The following STAT4 variants were observed in gnomAD, a reference collection of about 807,000 sequenced individuals.
The protein encoded by STAT4 is signal transducer and activator of transcription 4.
STAT4 carries 42 observed loss-of-function variants against 110.5 expected under a neutral mutation model. That is an observed-to-expected ratio of 0.38 (90% confidence interval 0.30 to 0.49). STAT4 has a LOEUF of 0.49. STAT4 is among the 20% of genes least tolerant of loss of function. The pLI is 0.95. For synonymous variants in STAT4, 284 were observed against 302.2 expected (o/e 0.94, Z 0.63); for missense variants, 632 against 887.9 (o/e 0.71, Z 3.66).
At position 191,075,837 on chromosome 2, in the gene STAT4, C is replaced by CTTT. The variant is rs71407854; in HGVS notation, c.372+387_372+389dup. On this transcript the variant is annotated intron_variant, in intron 4 of 23. Coordinates refer to ENST00000392320, the MANE Select transcript of STAT4 (RefSeq NM_003151.4). ...TTAAAAATGTCTCCTTTCTTTCTTTCTTTTTTTTTTTTTTTTTTTGTTTTG... is the reference window on the plus strand; with the variant it reads ...TTAAAAATGTCTCCTTTCTTTCTTTCTTTTTTTTTTTTTTTTTTTTTTGTTTTG... 9.7e-3 allele frequency among the ~76,000 whole-genome samples: 1,183 copies of CTTT among 121,424 alleles called. 25 individuals carry two copies. Among genetic ancestry groups the CTTT allele is most frequent in the African/African-American group, 0.036 (1,078 of 30,280 alleles). 79.7% of individuals were successfully genotyped at this position (121,424 alleles called of 152,430 possible). A position where few individuals can be genotyped will look rare whatever the true frequency, so the allele number is the denominator to read the frequency against.
rs1699168856 is a variant in STAT4 at position 191,135,997 on chromosome 2, G to A, written c.273+10616C>T. ...AAATACTAGCAAATCAAATCCAACAGCATCTCAGAAAAAAAAAAAAAAAAA... is the reference window on the plus strand; with the variant it reads ...AAATACTAGCAAATCAAATCCAACAACATCTCAGAAAAAAAAAAAAAAAAA... On this transcript the variant is annotated intron_variant, in intron 3 of 23. Coordinates refer to ENST00000392320, the MANE Select transcript of STAT4 (RefSeq NM_003151.4). The surrounding 1 kb of genome is among the most constrained non-coding windows in gnomAD (Gnocchi z 4.8). Among the ~76,000 whole-genome samples the A allele has an allele frequency of 9.8e-6, 1 of 101,682 alleles. No homozygotes were observed. Among genetic ancestry groups the A allele is most frequent in the Non-Finnish European group, 1.8e-5 (1 of 54,410 alleles). 66.7% of individuals were successfully genotyped at this position (101,682 alleles called of 152,430 possible). A position where few individuals can be genotyped will look rare whatever the true frequency, so the allele number is the denominator to read the frequency against.
chr2:191,069,061 T>A (rs1264806652), intron 6 of STAT4, among the ~76,000 whole-genome samples: 1 of 152,096 alleles, frequency 6.6e-6, no homozygotes, highest in Non-Finnish European at 1.5e-5. Context: ...AATAAAACGT[T>A]AAATGCAGTA....
intron 5 of STAT4, among the ~76,000 whole-genome samples, chr2:191,072,809 C>T (rs1332412759): frequency 1.3e-5 from 2 of 152,102 alleles, no homozygotes. Flanking sequence ...GCCAATAAAA[C>T]AACTTAGATC....
rs149060390 is a variant in STAT4, at chr2:191,061,945, A to C, written c.942-124T>G. 442 of 778,092 alleles carry C rather than the reference A, an allele frequency of 5.7e-4. 2 individuals are homozygous for C. In the African/African-American group the frequency reaches 6.7e-3, roughly 12 times the overall value. The allele number at this position is 778,092 out of a possible 1,614,324, so 48.2% of individuals were successfully genotyped here. A position where few individuals can be genotyped will look rare whatever the true frequency, so the allele number is the denominator to read the frequency against. On this transcript the variant is annotated intron_variant, in intron 9 of 23. Coordinates refer to ENST00000392320, the MANE Select transcript of STAT4 (RefSeq NM_003151.4). The surrounding 1 kb of genome is among the most constrained non-coding windows in gnomAD (Gnocchi z 6.2). ...TTTTCTACACTTAGAAGATATTCAA[A>C]CCCCCAATTAAACTCAAATCTTTAC...
chr2:191,097,687 T>A (rs976250531), intron 3 of STAT4, among the ~76,000 whole-genome samples: 1 of 152,248 alleles, frequency 6.6e-6, no homozygotes, highest in Admixed American at 6.5e-5. Flanking sequence ...ACCTAGGCAA[T>A]ACTATTCAGG....
At chr2:191,034,671 T>C (rs959212776) in intron 17 of STAT4, 74 bp from the exon 18 acceptor site, 1 of 1,119,578 alleles carries the variant, frequency 8.9e-7, no homozygotes, top group African/African-American at 1.5e-5. Context: ...ATTTAGATAT[T>C]TTGCCTCTTC....
intron 3 of STAT4, among the ~76,000 whole-genome samples, chr2:191,087,494 C>T (rs889172004): frequency 2.0e-4 from 31 of 152,088 alleles, no homozygotes; most frequent in African/African-American, 6.8e-4. Context: ...AATGCAACCA[C>T]GCTCCCTCCC....
intron 3 of STAT4, among the ~76,000 whole-genome samples, chr2:191,085,158 G>A (rs1435045092): frequency 6.6e-6 from 1 of 151,368 alleles, no homozygotes; most frequent in Non-Finnish European, 1.5e-5. Context: ...AAGAGTAAAT[G>A]TTTCTGCTCT....
chr2:191,084,557 G>A (rs934937898), intron 3 of STAT4, among the ~76,000 whole-genome samples: 6 of 152,016 alleles, frequency 3.9e-5, no homozygotes, highest in Non-Finnish European at 7.4e-5. Context: ...ATGGGGAGGT[G>A]GTTTTATTAA....
chr2:191,055,823 C>T (rs953687462), intron 13 of STAT4, among the ~76,000 whole-genome samples: 1 of 152,048 alleles, frequency 6.6e-6, no homozygotes, highest in African/African-American at 2.4e-5. Context: ...TTGGTGTGTT[C>T]CTTGTTCTTC....
intron 3 of STAT4, among the ~76,000 whole-genome samples, chr2:191,130,220 CTT>C (rs34523590): frequency 0.45 from 50,795 of 113,954 alleles, 10,365 homozygotes; most frequent in South Asian, 0.63. Flanking sequence ...GTCTATCTCC[CTT>C]TTTTTTTTTT....
At chr2:191,079,662 A>G (rs1328883420) in intron 3 of STAT4, among the ~76,000 whole-genome samples, 1 of 152,010 alleles carries the variant, frequency 6.6e-6, no homozygotes, top group Non-Finnish European at 1.5e-5. Context: ...TTAATCATCT[A>G]ACTTCCATCA....
rs1210329508 is a variant in STAT4 at position 191,060,719 on chromosome 2, A to G, written c.1034+1010T>C. On this transcript the variant is annotated intron_variant, in intron 10 of 23. Coordinates refer to ENST00000392320, the MANE Select transcript of STAT4 (RefSeq NM_003151.4). This position sits in a 1 kb window ranked among gnomAD's most constrained non-coding sequence, Gnocchi z 4.5. ...TAGGCGTGAGCCACCATGCCTGGCC[A>G]ACAGTGCAATTTAAAAAGGAACCTG... 6.6e-6 allele frequency among the ~76,000 whole-genome samples: 1 copy of G among 152,228 alleles called. No homozygotes were observed. Among genetic ancestry groups the G allele is most frequent in the East Asian group, 1.9e-4 (1 of 5,202 alleles).
chr2:191,059,940 A>ATGC lies in STAT4; in HGVS notation c.1035-1174_1035-1172dup, dbSNP rs1315964412. ...CAGGAAGGATCTGATTCACTGCAAG[A>ATGC]TGCTGACAAGTGCCATGGAGTCCAA... On this transcript the variant is annotated intron_variant, in intron 10 of 23. Transcript: ENST00000392320. This position sits in a 1 kb window ranked among gnomAD's most constrained non-coding sequence, Gnocchi z 4.7. Among the ~76,000 whole-genome samples, 1 of 152,190 alleles carries ATGC rather than the reference A, an allele frequency of 6.6e-6. No individual in the cohort carries two copies. Among genetic ancestry groups the ATGC allele is most frequent in the Non-Finnish European group, 1.5e-5 (1 of 68,034 alleles).
At chr2:191,148,357 A>G (rs1699508870) in intron 1 of STAT4, among the ~76,000 whole-genome samples, 153 bp from the exon 2 acceptor site, 1 of 152,120 alleles carries the variant, frequency 6.6e-6, no homozygotes, top group Non-Finnish European at 1.5e-5. Context: ...TCATAATTCA[A>G]CCCTAATGAA....
chr2:191,085,069 GGAGA>G (rs1247059367), intron 3 of STAT4, among the ~76,000 whole-genome samples: 1 of 151,136 alleles, frequency 6.6e-6, no homozygotes, highest in Non-Finnish European at 1.5e-5. Flanking sequence ...AAAAAAAATG[GGAGA>G]GAGAAAGATT....
rs1393200893 is a variant in STAT4 at position 191,112,275 on chromosome 2, C to G, written c.273+34338G>C. 6.6e-6 allele frequency among the ~76,000 whole-genome samples: 1 copy of G among 151,912 alleles called. No individual in the cohort carries two copies. Among genetic ancestry groups the G allele is most frequent in the Non-Finnish European group, 1.5e-5 (1 of 67,984 alleles). ...ACTCTGGATTCAAAGAAAACCAAAT[C>G]ATATCCAAATTGTCTCATTTCCTAG... is the stretch of plus-strand genomic sequence containing the variant. On this transcript the variant is annotated intron_variant, in intron 3 of 23. Coordinates refer to ENST00000392320, the MANE Select transcript of STAT4 (RefSeq NM_003151.4). The surrounding 1 kb of genome is among the most constrained non-coding windows in gnomAD (Gnocchi z 4.3).
chr2:191,052,010 T>G (rs952384717), intron 14 of STAT4, among the ~76,000 whole-genome samples: 2 of 152,236 alleles, frequency 1.3e-5, no homozygotes, highest in Non-Finnish European at 2.9e-5. Flanking sequence ...TTGAAGACAT[T>G]CTTAGCAGGC....
chr2:191,102,049 G>A lies in STAT4; in HGVS notation c.274-25724C>T, dbSNP rs1192690815. On this transcript the variant is annotated intron_variant, in intron 3 of 23. Transcript: ENST00000392320. ...GAACTCCTCTAATACCTCATTTTAG[G>A]TGGTTAGTTTTAAACAGAATGTGGT... Among the ~76,000 whole-genome samples, 9 of 149,460 alleles carry A rather than the reference G, an allele frequency of 6.0e-5. No individual in the cohort carries two copies. The East Asian group carries it at 1.6e-3, about 26-fold the overall frequency.
Sources: allele counts gnomAD v4.1 joint callset (sites outside exome capture counted in the v4.1 genomes callset), GRCh38; gene constraint gnomAD v4.1.1; non-coding constraint Gnocchi (gnomAD v3.1); transcripts MANE v1.5; gene names NCBI Gene and HGNC (gene_info 2026-07-23, HGNC 2026-07-21).